Variants in LATS1 observed in about 807,000 individuals in gnomAD.
The protein encoded by LATS1 is serine/threonine-protein kinase LATS1.
A neutral mutation model predicts 106.6 loss-of-function variants in LATS1; 25 were observed. The observed-to-expected ratio is 0.23, with a 90% confidence interval of 0.17 to 0.33. The LOEUF (loss-of-function observed/expected upper bound fraction) is 0.33. LATS1 is among the 10% of genes least tolerant of loss of function. The pLI is 1.00. For missense variants in LATS1, 1,040 were observed against 1,382.6 expected (o/e 0.75, Z 3.93); for synonymous variants, 465 against 455.6 (o/e 1.02, Z -0.26).
chr6:149,676,804 C>T, intron 5 of LATS1, 67 bp from the exon 6 acceptor site: 2 of 1,406,054 alleles, frequency 1.4e-6, no homozygotes, highest in Non-Finnish European at 2.0e-6. Flanking sequence ...TCTATTTAAT[C>T]TTCTGACATC....
chr6:149,663,735 T>C (rs1780997967), intron 7 of LATS1, among the ~76,000 whole-genome samples: 1 of 151,986 alleles, frequency 6.6e-6, no homozygotes, highest in South Asian at 2.1e-4. Context: ...ATACAGTTAA[T>C]AATAGTTATT....
intron 3 of LATS1, among the ~76,000 whole-genome samples, chr6:149,689,167 C>CA (rs879487599): frequency 1.9e-3 from 258 of 133,678 alleles, no homozygotes; most frequent in Non-Finnish European, 2.5e-3. Context: ...AACTTTGTCT[C>CA]AAAAAAAAAA....
intron 7 of LATS1, among the ~76,000 whole-genome samples, chr6:149,666,474 C>T (rs570498192): frequency 9.0e-4 from 136 of 151,222 alleles, no homozygotes; most frequent in African/African-American, 3.0e-3. Flanking sequence ...AAAAATTACC[C>T]GGGTGTGGTG....
rs1783493745 is a variant in LATS1, at chr6:149,702,039, T to C, written c.88A>G (p.Met30Val). Residue 30 changes from methionine to valine, a missense_variant, in exon 2 of 8, where the codon ATG becomes GTG. Coordinates refer to ENST00000543571, the MANE Select transcript of LATS1 (RefSeq NM_004690.4). ...AGGGATTCCCGAATTTCTTGTAACATTTGCCGGCTACTGACAGTATAGTTA... is the reference window on the plus strand; with the variant it reads ...AGGGATTCCCGAATTTCTTGTAACACTTGCCGGCTACTGACAGTATAGTTA... ...ASNYTVSSRQ[M>V]LQEIRESLRN... The C allele has an allele frequency of 1.2e-6, 2 of 1,614,146 alleles. No homozygotes were observed. The highest frequency in any genetic ancestry group is 2.2e-5 in the South Asian group (2 of 91,084).
At chr6:149,707,753 C>T (rs1248419111) in intron 1 of LATS1, among the ~76,000 whole-genome samples, 1 of 152,032 alleles carries the variant, frequency 6.6e-6, no homozygotes, top group East Asian at 1.9e-4. Context: ...GAATTTATTT[C>T]AAAATAATTT....
intron 1 of LATS1, among the ~76,000 whole-genome samples, chr6:149,706,183 C>CAAAAAAAAAAAAAAA (rs60729757): frequency 4.0e-5 from 1 of 25,300 alleles, no homozygotes. Context: ...AACCCGGTCG[C>CAAAAAAAAAAAAAAA]AAAAAAAAAA....
In LATS1 at chr6:149,676,534, T is replaced by A; in HGVS notation, c.2776+21A>T. 7 of 1,608,222 alleles carry A rather than the reference T, an allele frequency of 4.4e-6. No homozygotes were observed. The South Asian group carries it at 5.5e-5, about 13-fold the overall frequency. On this transcript the variant is annotated intron_variant, in intron 6 of 7. Transcript: ENST00000543571. ...CTGGTCTAAAGGTCTACTGAGAATATATATGAAAGAAGTGCTTTACCTGTT... is the reference window on the plus strand; with the variant it reads ...CTGGTCTAAAGGTCTACTGAGAATAAATATGAAAGAAGTGCTTTACCTGTT...
Position 149,662,163 on chromosome 6 carries a change from T to C in LATS1, c.2959A>G (p.Lys987Glu). 6.2e-7 allele frequency: 1 copy of C among 1,613,944 alleles called. No individual in the cohort carries two copies. The highest frequency in any genetic ancestry group is 1.1e-5 in the South Asian group (1 of 91,080). The change falls in exon 8 of 8, where the codon AAA becomes GAA. Residue 987 changes from lysine (K) to glutamate (E), a missense_variant. Around this residue, in one of 7 missense-constraint regions of LATS1, gnomAD observed 113 missense variants for 146.3 expected, o/e 0.77. Transcript: ENST00000543571. ...LSPEASDLII[K>E]LCRGPEDRLG... ...CGATCTTCGGGTCCTCGGCAAAGTTTAATAATAAGATCAGAAGCTTCAGGA... is the reference window on the plus strand; with the variant it reads ...CGATCTTCGGGTCCTCGGCAAAGTTCAATAATAAGATCAGAAGCTTCAGGA...
At chr6:149,710,162 T>C (rs919133700) in intron 1 of LATS1, among the ~76,000 whole-genome samples, 7 of 152,208 alleles carry the variant, frequency 4.6e-5, no homozygotes, top group African/African-American at 1.7e-4. Flanking sequence ...ATTGATGTCT[T>C]ATGTCTCCCT....
At chr6:149,697,111 A>G (rs750659419) in intron 2 of LATS1, 2 of 1,339,534 alleles carry the variant, frequency 1.5e-6, no homozygotes, top group Non-Finnish European at 2.0e-6. Context: ...AGGATTCAGT[A>G]TTTCAAACGA....
intron 7 of LATS1, among the ~76,000 whole-genome samples, chr6:149,667,672 T>A (rs1182379325): frequency 1.3e-5 from 2 of 151,978 alleles, no homozygotes; most frequent in African/African-American, 4.8e-5. Flanking sequence ...CCAAATTTGA[T>A]CAAACACATA....
In LATS1 at chr6:149,676,316, T is replaced by G. The variant is rs771164486; in HGVS notation, c.2827A>C (p.Met943Leu). The change falls in exon 7 of 8, where the codon ATG (methionine) becomes CTG (leucine). Residue 943 changes from methionine (M) to leucine (L), a missense_variant. Met to Leu is a conservative substitution (Grantham distance 15). This residue lies in a region of LATS1 where 23 missense variants were observed against 56.9 expected (regional missense o/e 0.40). Coordinates refer to ENST00000543571, the MANE Select transcript of LATS1 (RefSeq NM_004690.4). ...WWSVGVILFE[M>L]LVGQPPFLAQ... The stretch of plus-strand genomic sequence containing the variant: ...AAGAAAGGAGGTTGTCCCACCAACA[T>G]TTCAAAAAGAATAACACCAACACTC... 6.2e-7 allele frequency: 1 copy of G among 1,613,886 alleles called. No homozygotes were observed. Among genetic ancestry groups the G allele is most frequent in the South Asian group, 1.1e-5 (1 of 91,070 alleles).
chr6:149,716,715 T>C (rs1361851124), intron 1 of LATS1, among the ~76,000 whole-genome samples: 1 of 152,226 alleles, frequency 6.6e-6, no homozygotes, highest in African/African-American at 2.4e-5. Flanking sequence ...ATTCCAAGCA[T>C]GGACCATGAT....
chr6:149,672,543 C>A (rs1781496587), intron 7 of LATS1, among the ~76,000 whole-genome samples: 1 of 151,830 alleles, frequency 6.6e-6, no homozygotes, highest in Non-Finnish European at 1.5e-5. Context: ...GCATACAAAT[C>A]TTGCTCATGT....
rs1191053911 is a variant in LATS1 at position 149,659,777 on chromosome 6, A to G, written c.*1952T>C. ...TATGGGACTAACCAAATGTTCCATG[A>G]ACCATGAGGTGAAGACTGCGATTTC... On this transcript the variant is annotated 3_prime_UTR_variant, in exon 8 of 8. Transcript: ENST00000543571. 12 of 226,416 alleles carry G rather than the reference A, an allele frequency of 5.3e-5. No homozygotes were observed. The highest frequency in any genetic ancestry group is 2.7e-4 in the African/African-American group (12 of 45,024). The allele number at this position is 226,416 out of a possible 1,614,324, so 14.0% of individuals were successfully genotyped here. A position where few individuals can be genotyped will look rare whatever the true frequency, so the allele number is the denominator to read the frequency against.
At chr6:149,667,617 G>C (rs1174895446) in intron 7 of LATS1, among the ~76,000 whole-genome samples, 2 of 152,100 alleles carry the variant, frequency 1.3e-5, no homozygotes, top group Non-Finnish European at 2.9e-5. Flanking sequence ...AAAAGAAAAT[G>C]TGTGGTACAG....
intron 2 of LATS1, 58 bp from the exon 3 acceptor site, chr6:149,695,279 A>G (rs1474030629): frequency 2.6e-6 from 3 of 1,162,044 alleles, no homozygotes; most frequent in South Asian, 1.4e-5. Flanking sequence ...ACAATAATAC[A>G]AGGGAAAGAA....
rs527409002 is a variant in LATS1, at chr6:149,697,656, T to G, written c.349-2435A>C. ...TGAACTCTATATGTATTTATGCTAT[T>G]ATTACACAGCAGTAACATCTCCATT... On this transcript the variant is annotated intron_variant, in intron 2 of 7. Transcript: ENST00000543571. 5.3e-5 allele frequency among the ~76,000 whole-genome samples: 8 copies of G among 152,350 alleles called. No homozygotes were observed. In the South Asian group the frequency reaches 1.7e-3, roughly 32 times the overall value.
rs779682364 is a variant in LATS1 at position 149,702,000 on chromosome 6, T to G, written c.127A>C (p.Lys43Gln). 10 of 1,614,174 alleles carry G rather than the reference T, an allele frequency of 6.2e-6. No homozygotes were observed. Among genetic ancestry groups the G allele is most frequent in the Non-Finnish European group, 8.5e-6 (10 of 1,180,020 alleles). ...TCAGCCTTAGCAGCATCAGATGGTTTAGATAAATTCCTAAGGGATTCCCGA... is the reference window on the plus strand; with the variant it reads ...TCAGCCTTAGCAGCATCAGATGGTTGAGATAAATTCCTAAGGGATTCCCGA... ...EIRESLRNLS[K>Q]PSDAAKAEHN... Residue 43 changes from lysine to glutamine, a missense_variant, in exon 2 of 8, where the codon AAA becomes CAA. This residue lies in a region of LATS1 where 624 missense variants were observed against 714.8 expected (regional missense o/e 0.87). Coordinates refer to ENST00000543571, the MANE Select transcript of LATS1 (RefSeq NM_004690.4).
Sources: gnomAD v4.1 joint callset for allele counts (sites outside exome capture counted in the v4.1 genomes callset) on GRCh38, gnomAD v4.1.1 for gene constraint, gnomAD v4.1.1 regional missense constraint, MANE v1.5 for transcripts, NCBI Gene and HGNC (gene_info 2026-07-23, HGNC 2026-07-21) for gene names.